The following PDE1C variants were observed in gnomAD, a reference collection of about 807,000 sequenced individuals.
PDE1C encodes the protein dual specificity calcium/calmodulin-dependent 3',5'-cyclic nucleotide phosphodiesterase 1C.
A neutral mutation model predicts 93.1 loss-of-function variants in PDE1C; 62 were observed. The ratio of observed to expected loss-of-function variants is 0.67; its 90% CI spans 0.54 to 0.82. The LOEUF is 0.82. Among genes scored for constraint, PDE1C ranks in the 40% least tolerant of loss-of-function variants. The pLI is 0.00. For synonymous variants in PDE1C, 325 were observed against 310.1 expected (o/e 1.05, Z -0.50); for missense variants, 742 against 884.6 (o/e 0.84, Z 2.04).
chr7:32,083,618 A>T (rs1271252242), intron 3 of PDE1C, among the ~76,000 whole-genome samples: 1 of 152,256 alleles, frequency 6.6e-6, no homozygotes, highest in Non-Finnish European at 1.5e-5. Flanking sequence ...CGGATTACCC[A>T]CAAAGGGAAG....
intron 2 of PDE1C, among the ~76,000 whole-genome samples, chr7:31,966,325 C>A (rs1809955813): frequency 6.6e-6 from 1 of 152,138 alleles, no homozygotes; most frequent in African/African-American, 2.4e-5. Context: ...TCAGATAAAA[C>A]AGACTTTAAA....
intron 2 of PDE1C, among the ~76,000 whole-genome samples, chr7:31,886,425 T>C (rs1265162222): frequency 6.6e-6 from 1 of 152,234 alleles, no homozygotes; most frequent in African/African-American, 2.4e-5. Context: ...CTGATTAAGA[T>C]GGCCACACTT....
At chr7:31,779,411 A>G (rs540487476) in intron 16 of PDE1C, among the ~76,000 whole-genome samples, 12 of 152,312 alleles carry the variant, frequency 7.9e-5, no homozygotes, top group African/African-American at 2.9e-4. Context: ...ATAACTGACT[A>G]TAATCTTCCA....
intron 3 of PDE1C, among the ~76,000 whole-genome samples, chr7:32,080,706 T>C (rs1796613174): frequency 2.0e-5 from 3 of 152,218 alleles, no homozygotes; most frequent in South Asian, 4.1e-4. Flanking sequence ...AAAATTGTCC[T>C]TGGGGACATC....
intron 17 of PDE1C, among the ~76,000 whole-genome samples, chr7:31,756,243 G>T (rs1250704050): frequency 6.6e-6 from 1 of 152,120 alleles, no homozygotes. Context: ...TCTTCCAGGG[G>T]ATCAAGGTTG....
the PDE1C span, chr7:31,651,104 A>C: frequency 6.2e-7 from 1 of 1,600,792 alleles, no homozygotes. Flanking sequence ...AGAGGATCAG[A>C]GAGGACTTTC....
chr7:32,175,067 C>A (rs1055586948), intron 2 of PDE1C, among the ~76,000 whole-genome samples: 1 of 152,070 alleles, frequency 6.6e-6, no homozygotes, highest in Admixed American at 6.5e-5. Context: ...AAATGTGATA[C>A]CTCCAAAGTA....
intron 1 of PDE1C, among the ~76,000 whole-genome samples, chr7:32,374,271 G>GAAAGAAAGAAAT (rs1784392177): frequency 7.0e-6 from 1 of 143,334 alleles, no homozygotes; most frequent in Non-Finnish European, 1.5e-5. Context: ...AAGAAAGAAA[G>GAAAGAAAGAAAT]AAAGAAAGAA....
chr7:32,303,086 G>C (rs1448959744), upstream of PDE1C, among the ~76,000 whole-genome samples: 1 of 152,168 alleles, frequency 6.6e-6, no homozygotes, highest in East Asian at 1.9e-4. Flanking sequence ...CCATTTCTGG[G>C]AATAGGAATT....
At chr7:31,693,344 T>C in the PDE1C span, among the ~76,000 whole-genome samples, 4 of 152,252 alleles carry the variant, frequency 2.6e-5, no homozygotes, top group African/African-American at 9.6e-5. Context: ...GCAGCATTCA[T>C]TTATTCAACA....
chr7:32,378,915 C>G (rs1784481524), intron 1 of PDE1C, among the ~76,000 whole-genome samples: 1 of 152,228 alleles, frequency 6.6e-6, no homozygotes, highest in Admixed American at 6.5e-5. Flanking sequence ...TATTGCAATG[C>G]TGTGGTCTTT....
At chr7:31,629,244 A>G in the PDE1C span, among the ~76,000 whole-genome samples, 7 of 151,542 alleles carry the variant, frequency 4.6e-5, no homozygotes, top group African/African-American at 1.5e-4. Flanking sequence ...TCTACTAAGT[A>G]TCTATGTAGA....
At chr7:32,101,018 C>G (rs1798009728) in intron 3 of PDE1C, among the ~76,000 whole-genome samples, 1 of 152,130 alleles carries the variant, frequency 6.6e-6, no homozygotes, top group African/African-American at 2.4e-5. Flanking sequence ...CCACACTGAC[C>G]CCCCTTGCTA....
the PDE1C span, among the ~76,000 whole-genome samples, chr7:31,620,555 T>C: frequency 6.6e-6 from 1 of 151,468 alleles, no homozygotes; most frequent in Non-Finnish European, 1.5e-5. Context: ...GGGTCCTGTC[T>C]GTTAGAAGGA....
chr7:31,898,990 T>C (rs1799641772), intron 2 of PDE1C, among the ~76,000 whole-genome samples: 1 of 152,092 alleles, frequency 6.6e-6, no homozygotes, highest in Non-Finnish European at 1.5e-5. Context: ...ATTTCTAATA[T>C]AAAAGAGTAA....
intron 2 of PDE1C, among the ~76,000 whole-genome samples, chr7:32,041,344 GC>G (rs1791784532): frequency 6.6e-6 from 1 of 152,086 alleles, no homozygotes; most frequent in African/African-American, 2.4e-5. Flanking sequence ...TCATGGCAGG[GC>G]AAAGACTACA....
chr7:31,771,083 A>C (rs558003809), intron 17 of PDE1C, among the ~76,000 whole-genome samples: 3 of 152,174 alleles, frequency 2.0e-5, no homozygotes, highest in Admixed American at 2.0e-4. Flanking sequence ...TTTTTAGGAT[A>C]ATTTTTCCTC....
At chr7:32,203,064 T>C (rs949764222) in intron 2 of PDE1C, among the ~76,000 whole-genome samples, 1 of 152,078 alleles carries the variant, frequency 6.6e-6, no homozygotes, top group Non-Finnish European at 1.5e-5. Context: ...ACTATTTTGC[T>C]TGCCATAGCA....
In PDE1C at chr7:31,793,778, G is replaced by A. The variant is rs188939364; in HGVS notation, c.1891+15253C>T. On this transcript the variant is annotated intron_variant, in intron 16 of 17. Transcript: ENST00000396191. ...TGGACTTAATTGTCCTAGGTCACAA[G>A]TACATGACAGCTATTTTAAAGCGTT... 1.8e-3 allele frequency among the ~76,000 whole-genome samples: 265 copies of A among 151,334 alleles called. 1 individual carries two copies. Among genetic ancestry groups the A allele is most frequent in the African/African-American group, 6.2e-3 (254 of 41,268 alleles).
Sources: allele counts gnomAD v4.1 joint callset (sites outside exome capture counted in the v4.1 genomes callset), GRCh38; gene constraint gnomAD v4.1.1; transcripts MANE v1.5; gene names NCBI Gene and HGNC (gene_info 2026-07-23, HGNC 2026-07-21).